Variants in PTPRG observed in about 807,000 individuals in gnomAD.
PTPRG encodes the protein receptor-type tyrosine-protein phosphatase gamma.
Under a neutral mutation model 165.3 loss-of-function variants are expected in PTPRG, and 102 were observed. That is an observed-to-expected ratio of 0.62 (90% confidence interval 0.53 to 0.73). PTPRG has a LOEUF of 0.73. Among genes scored for constraint, PTPRG ranks in the 30% least tolerant of loss-of-function variants. The pLI is 0.00. For synonymous variants in PTPRG, 675 were observed against 669.5 expected, an observed-to-expected ratio of 1.01 and a Z score of -0.13; for missense variants, 1,866 against 1,861.4, an observed-to-expected ratio of 1.00 and a Z score of -0.05.
intron 4 of PTPRG, among the ~76,000 whole-genome samples, chr3:62,006,954 T>G (rs976567413): frequency 1.3e-5 from 2 of 152,298 alleles, no homozygotes; most frequent in Middle Eastern, 3.4e-3. Flanking sequence ...TAAAATACAT[T>G]TGAATAAAGA....
Position 61,854,584 on chromosome 3 carries a change from T to C in PTPRG, c.190+105602T>C, listed in dbSNP as rs181127806. ...TTAAAACGTGCACTATTAGGGAAAC[T>C]GTACTGGTGCACTGTAATATACATG... On this transcript the variant is annotated intron_variant, in intron 2 of 29. Transcript: ENST00000474889. Among the ~76,000 whole-genome samples the C allele has an allele frequency of 9.7e-4, 148 of 152,290 alleles. 2 individuals carry two copies. The highest frequency in any genetic ancestry group is 3.4e-3 in the Middle Eastern group (1 of 294).
At position 62,277,003 on chromosome 3, in the gene PTPRG, G is replaced by A; in HGVS notation, c.3591G>A (p.Leu1197=). Residue 1197 remains leucine (L), a synonymous_variant, in exon 25 of 30, where the codon TTG becomes TTA. Coordinates refer to ENST00000474889, the MANE Select transcript of PTPRG (RefSeq NM_002841.4). The stretch of plus-strand genomic sequence containing the variant: ...GTGCTCGAGTGGGTCTTGCACCATT[G>A]CCTGGAATGAAAGGAACAGATTACA... ...SERARVGLAP[L]PGMKGTDYIN... 6.2e-7 allele frequency: 1 copy of A among 1,613,098 alleles called. No homozygotes were observed. Among genetic ancestry groups the A allele is most frequent in the Non-Finnish European group, 8.5e-7 (1 of 1,179,346 alleles).
intron 1 of PTPRG, among the ~76,000 whole-genome samples, chr3:61,583,953 A>G (rs1023102448): frequency 3.3e-5 from 5 of 152,220 alleles, no homozygotes; most frequent in Non-Finnish European, 7.3e-5. Context: ...ACACAGAAGG[A>G]TAGATAACTA....
intron 2 of PTPRG, among the ~76,000 whole-genome samples, chr3:61,756,941 T>C (rs2033653745): frequency 6.6e-6 from 1 of 152,202 alleles, no homozygotes; most frequent in Non-Finnish European, 1.5e-5. Flanking sequence ...GTGAAAATGT[T>C]AAATACTGCT....
At chr3:61,773,680 G>A (rs2034280500) in intron 2 of PTPRG, among the ~76,000 whole-genome samples, 1 of 151,948 alleles carries the variant, frequency 6.6e-6, no homozygotes, top group South Asian at 2.1e-4. Context: ...GCTCACTGCT[G>A]TATCCTGAGA....
chr3:61,885,864 T>A (rs1260759690), intron 2 of PTPRG, among the ~76,000 whole-genome samples: 4 of 149,462 alleles, frequency 2.7e-5, no homozygotes, highest in African/African-American at 9.9e-5. Context: ...TTGTTGGGTC[T>A]AAATCTTGGG....
At chr3:61,647,618 G>A (rs548505182) in intron 1 of PTPRG, among the ~76,000 whole-genome samples, 6 of 151,974 alleles carry the variant, frequency 3.9e-5, no homozygotes, top group East Asian at 1.9e-4. Context: ...GTGAAACCCC[G>A]TCTCCACTAA....
At chr3:62,149,043 G>A (rs1037668592) in intron 6 of PTPRG, among the ~76,000 whole-genome samples, 5 of 152,104 alleles carry the variant, frequency 3.3e-5, no homozygotes, top group African/African-American at 9.7e-5. Flanking sequence ...CATAACTTCA[G>A]TCTTGTGCCT....
chr3:61,804,576 A>T (rs1028054063), intron 2 of PTPRG, among the ~76,000 whole-genome samples: 1 of 152,128 alleles, frequency 6.6e-6, no homozygotes, highest in Non-Finnish European at 1.5e-5. Context: ...TTTCTGTTTA[A>T]GGATAGCATA....
rs368902874 is a variant in PTPRG at position 62,266,390 on chromosome 3, A to G, written c.2657-1020A>G. On this transcript the variant is annotated intron_variant, in intron 17 of 29. Transcript: ENST00000474889. The stretch of plus-strand genomic sequence containing the variant: ...GTGGATGTTACCAAATCACCTCCCA[A>G]ATTGATCTATTAATGTCTTATTTGT... Among the ~76,000 whole-genome samples the G allele has an allele frequency of 6.6e-5, 10 of 152,238 alleles. No homozygotes were observed. In the East Asian group the frequency reaches 1.4e-3, roughly 21 times the overall value.
intron 1 of PTPRG, among the ~76,000 whole-genome samples, chr3:61,625,249 T>G (rs1701575268): frequency 6.6e-6 from 1 of 151,688 alleles, no homozygotes; most frequent in South Asian, 2.1e-4. Context: ...ATTCGACCCA[T>G]CACAGTACAT....
At position 61,738,298 on chromosome 3, in the gene PTPRG, A is replaced by ATG. The variant is rs1223629002; in HGVS notation, c.86-10579_86-10578insGT. ...TATATACATATATATATATATATAT[A>ATG]TATATATATATATACATATATATAT... On this transcript the variant is annotated intron_variant, in intron 1 of 29. Coordinates refer to ENST00000474889, the MANE Select transcript of PTPRG (RefSeq NM_002841.4). 8.7e-4 allele frequency among the ~76,000 whole-genome samples: 42 copies of ATG among 48,210 alleles called. 2 individuals are homozygous for ATG. Among genetic ancestry groups the ATG allele is most frequent in the East Asian group, 3.0e-3 (10 of 3,306 alleles). The allele number at this position is 48,210 out of a possible 152,430, so 31.6% of individuals were successfully genotyped here.
At chr3:61,979,540 T>C (rs554796630) in intron 2 of PTPRG, among the ~76,000 whole-genome samples, 1 of 120,320 alleles carries the variant, frequency 8.3e-6, no homozygotes. Flanking sequence ...AAGGCCTCTC[T>C]GATTAGGTGA....
intron 5 of PTPRG, among the ~76,000 whole-genome samples, chr3:62,120,754 A>G (rs558020342): frequency 6.6e-6 from 1 of 151,850 alleles, no homozygotes; most frequent in Non-Finnish European, 1.5e-5. Context: ...TCTCAAAAAA[A>G]AAAAAAGAAA....
intron 1 of PTPRG, among the ~76,000 whole-genome samples, chr3:61,567,340 A>G (rs1364512694): frequency 1.3e-5 from 2 of 152,194 alleles, no homozygotes; most frequent in Admixed American, 6.5e-5. Context: ...GGATTTGGCA[A>G]TAGTCACTGA....
chr3:62,214,163 TG>T lies in PTPRG; in HGVS notation c.2156-4687del, dbSNP rs1700437416. On this transcript the variant is annotated intron_variant, in intron 12 of 29. Coordinates refer to ENST00000474889, the MANE Select transcript of PTPRG (RefSeq NM_002841.4). This position sits in a 1 kb window ranked among gnomAD's most constrained non-coding sequence, Gnocchi z 5.2. Reference sequence around the variant, plus strand: ...TACTCAGCACATCTGAAGTTCTGTATGACTGCCACTTACACACTCAGATGTT... The same window carrying T: ...TACTCAGCACATCTGAAGTTCTGTATACTGCCACTTACACACTCAGATGTT... Among the ~76,000 whole-genome samples, 1 of 152,236 alleles carries T rather than the reference TG, an allele frequency of 6.6e-6. No individual in the cohort carries two copies. Among genetic ancestry groups the T allele is most frequent in the Admixed American group, 6.5e-5 (1 of 15,286 alleles).
chr3:62,047,246 A>ATTATTTATTTATTTATTTATTTAT (rs10523312), intron 4 of PTPRG, among the ~76,000 whole-genome samples: 212 of 63,030 alleles, frequency 3.4e-3, no homozygotes, highest in East Asian at 0.021. Context: ...TGAGCTTCCT[A>ATTATTTATTTATTTATTTATTTAT]TTATTTATTT....
chr3:62,033,341 C>A (rs1051441133), intron 4 of PTPRG, among the ~76,000 whole-genome samples: 12 of 150,578 alleles, frequency 8.0e-5, no homozygotes, highest in African/African-American at 2.9e-4. Context: ...CTGGTATCTA[C>A]TCTCAACTGC....
intron 2 of PTPRG, among the ~76,000 whole-genome samples, chr3:61,858,250 A>G (rs1575727880): frequency 2.0e-5 from 3 of 152,318 alleles, no homozygotes; most frequent in South Asian, 2.1e-4. Context: ...TTTTACAACA[A>G]TAGGTGGCAC....
Sources: gnomAD v4.1 joint callset for allele counts (sites outside exome capture counted in the v4.1 genomes callset) on GRCh38, gnomAD v4.1.1 for gene constraint, Gnocchi (gnomAD v3.1) non-coding constraint, MANE v1.5 for transcripts, NCBI Gene and HGNC (gene_info 2026-07-23, HGNC 2026-07-21) for gene names.